Variants in CHPF observed in about 807,000 individuals in gnomAD.
CHPF encodes the protein chondroitin polymerizing factor.
In CHPF, 34 loss-of-function variants were observed where a neutral mutation model predicts 55.1. The observed-to-expected ratio is 0.62, with a 90% CI of 0.47 to 0.82. CHPF has a LOEUF of 0.82. Ranked by LOEUF, CHPF falls within the 40% of genes least tolerant of loss-of-function variation. CHPF has a pLI of 0.00. For synonymous variants in CHPF, 489 were observed against 496.6 expected (o/e 0.98, Z 0.20); for missense variants, 961 against 1,106.1 (o/e 0.87, Z 1.86).
Position 219,541,651 on chromosome 2 carries a change from C to G in CHPF, c.853G>C (p.Asp285His), listed in dbSNP as rs150176217. 2 of 1,595,454 alleles carry G rather than the reference C, an allele frequency of 1.3e-6. No homozygotes were observed. The highest frequency in any genetic ancestry group is 1.7e-6 in the Non-Finnish European group (2 of 1,168,140). ...PDEWLGRCIL[D>H]ATGVGCTGDH... ...CCAGTGCAGCCCACCCCGGTGGCAT[C>G]GAGAATGCAGCGACCCAGCCACTCG... The change falls in exon 2 of 4, where the codon GAT (aspartate) becomes CAT (histidine). Residue 285 changes from aspartate (D) to histidine (H), a missense_variant. Coordinates refer to ENST00000243776, the MANE Select transcript of CHPF (RefSeq NM_024536.6).
Position 219,540,509 on chromosome 2 carries a change from T to C in CHPF, c.1202A>G (p.His401Arg), listed in dbSNP as rs746007649. The change falls in exon 4 of 4, where the codon CAC becomes CGC. Residue 401 changes from histidine (H) to arginine (R), a missense_variant. Coordinates refer to ENST00000243776, the MANE Select transcript of CHPF (RefSeq NM_024536.6). ...VLRWDYFTEQ[H>R]AFSCADGSPR... ...TGAGCCATCGGCGCAGGAGAAAGCG[T>C]GCTGCTCCGTGAAGTAGTCCCAGCG... The C allele has an allele frequency of 6.2e-7, 1 of 1,613,998 alleles. No homozygotes were observed. Among genetic ancestry groups the C allele is most frequent in the Non-Finnish European group, 8.5e-7 (1 of 1,180,006 alleles).
Position 219,543,475 on chromosome 2 carries a change from G to A in CHPF, c.64C>T (p.Leu22=). The A allele has an allele frequency of 7.0e-7, 1 of 1,430,572 alleles. No individual in the cohort carries two copies. Among genetic ancestry groups the A allele is most frequent in the Non-Finnish European group, 9.1e-7 (1 of 1,097,940 alleles). 88.6% of individuals were successfully genotyped at this position (1,430,572 alleles called of 1,614,324 possible). ...CTGAGCAGGCTCAGGGTGAAGCCCA[G>A]GGAGATGCCCACGGCCACGGGCCCT... The part of the protein sequence containing the change: ...PAGPVAVGIS[L]GFTLSLLSVT... Residue 22 remains leucine (L), a synonymous_variant, in exon 1 of 4, where the codon CTG becomes TTG. Coordinates refer to ENST00000243776, the MANE Select transcript of CHPF (RefSeq NM_024536.6).
chr2:219,540,738 G>A, intron 3 of CHPF, 96 bp from the exon 4 acceptor site: 2 of 1,349,538 alleles, frequency 1.5e-6, no homozygotes, highest in Non-Finnish European at 1.0e-6. Context: ...CTCAGGATGG[G>A]CCCCTCATCC....
chr2:219,539,643 G>T lies in CHPF; in HGVS notation c.2068C>A (p.Arg690Ser). 3 of 1,613,454 alleles carry T rather than the reference G, an allele frequency of 1.9e-6. No homozygotes were observed. Among genetic ancestry groups the T allele is most frequent in the Non-Finnish European group, 2.5e-6 (3 of 1,179,966 alleles). ...YNSDYVAARG[R>S]LAAASEQEEE... ...TCTTGTTCTGAGGCTGCCGCCAGGC[G>T]CCCACGGGCTGCCACATAGTCGGAG... The change falls in exon 4 of 4, where the codon CGC becomes AGC. Residue 690 changes from arginine to serine, a missense_variant. This residue lies in a region of CHPF where 936 missense variants were observed against 1,058.4 expected (regional missense o/e 0.88). Transcript: ENST00000243776.
At position 219,541,907 on chromosome 2, in the gene CHPF, A is replaced by G. The variant is rs774083080; in HGVS notation, c.597T>C (p.Pro199=). Residue 199 remains proline, a synonymous_variant, in exon 2 of 4, where the codon CCT becomes CCC. Transcript: ENST00000243776. ...GDDFDWFFLV[P]DTTYTEAHGL... is the part of the protein sequence containing the mutation. Reference sequence around the variant, plus strand: ...CGTGCGCCTCGGTGTAGGTGGTGTCAGGCACCAGGAAGAACCAGTCAAAGT... The same window carrying G: ...CGTGCGCCTCGGTGTAGGTGGTGTCGGGCACCAGGAAGAACCAGTCAAAGT... 5 of 1,613,544 alleles carry G rather than the reference A, an allele frequency of 3.1e-6. No homozygotes were observed. The highest frequency in any genetic ancestry group is 4.2e-6 in the Non-Finnish European group (5 of 1,179,840).
In CHPF at chr2:219,543,106, C is replaced by T. The variant is rs1291993305; in HGVS notation, c.314+119G>A. On this transcript the variant is annotated intron_variant, in intron 1 of 3. Coordinates refer to ENST00000243776, the MANE Select transcript of CHPF (RefSeq NM_024536.6). The stretch of plus-strand genomic sequence containing the variant: ...CAGGGCCATCGGAAGTTATCGGGGC[C>T]CAAAGACTTCCTGGCTCGCCAGCCC... 10 of 1,364,800 alleles carry T rather than the reference C, an allele frequency of 7.3e-6. No individual in the cohort carries two copies. In the South Asian group the frequency reaches 1.4e-4, roughly 19 times the overall value. 84.5% of individuals were successfully genotyped at this position (1,364,800 alleles called of 1,614,324 possible).
chr2:219,542,197 A>G lies in CHPF; in HGVS notation c.315-8T>C. ...GTGCTGATGTAGCGGGTCCTAGGGG[A>G]GGAGATGGCACAAGCTTATCAAAAG... On this transcript the variant is annotated splice_polypyrimidine_tract_variant and splice_region_variant and intron_variant, in intron 1 of 3. Transcript: ENST00000243776. 5 of 943,148 alleles carry G rather than the reference A, an allele frequency of 5.3e-6. No individual in the cohort carries two copies. The highest frequency in any genetic ancestry group is 3.9e-6 in the Non-Finnish European group (3 of 764,068). 58.4% of individuals were successfully genotyped at this position (943,148 alleles called of 1,614,324 possible).
chr2:219,539,970 G>A lies in CHPF; in HGVS notation c.1741C>T (p.Arg581Trp), dbSNP rs749110569. 9.9e-6 allele frequency: 16 copies of A among 1,613,622 alleles called. No homozygotes were observed. Among genetic ancestry groups the A allele is most frequent in the South Asian group, 5.5e-5 (5 of 91,088 alleles). Residue 581 changes from arginine (R) to tryptophan (W), a missense_variant, in exon 4 of 4, where the codon CGG (arginine) becomes TGG (tryptophan). Around this residue, in one of 3 missense-constraint regions of CHPF, gnomAD observed 936 missense variants for 1,058.4 expected, o/e 0.88. Transcript: ENST00000243776. ...GTCTGCACACTGAGCCATGGCACCC[G>A]GGCACCGGGGAAACGCCGCTCCAGC... ...AELERRFPGA[R>W]VPWLSVQTAA...
In CHPF at chr2:219,539,378, TG is replaced by T. The variant is rs780632685; in HGVS notation, c.*4del. 1.9e-6 allele frequency: 3 copies of T among 1,588,238 alleles called. No individual in the cohort carries two copies. The highest frequency in any genetic ancestry group is 2.6e-6 in the Non-Finnish European group (3 of 1,163,044). On this transcript the variant is annotated 3_prime_UTR_variant, in exon 4 of 4. Transcript: ENST00000243776. ...CATGCCACGGCCCACGGGGACAGGGTGGGGTCAGGTGCTGTTGCCCTGCTCC... is the reference window on the plus strand; with the variant it reads ...CATGCCACGGCCCACGGGGACAGGGTGGGTCAGGTGCTGTTGCCCTGCTCC...
In CHPF at chr2:219,543,340, G is replaced by A; in HGVS notation, c.199C>T (p.Pro67Ser). ...CCGGGCTTCTCGCGCTCCGCTCCGG[G>A]CTGCACCGAGTTGGGCCGGCGCGCC... Reference protein sequence around the residue: ...NAARRPNSVQPGAEREKPGAG... With the variant: ...NAARRPNSVQSGAEREKPGAG... The change falls in exon 1 of 4, where the codon CCC (proline) becomes TCC (serine). Residue 67 changes from proline (P) to serine (S), a missense_variant. This residue lies in a region of CHPF where 936 missense variants were observed against 1,058.4 expected (regional missense o/e 0.88). Coordinates refer to ENST00000243776, the MANE Select transcript of CHPF (RefSeq NM_024536.6). 1 of 1,568,918 alleles carries A rather than the reference G, an allele frequency of 6.4e-7. No individual in the cohort carries two copies. Among genetic ancestry groups the A allele is most frequent in the Non-Finnish European group, 8.6e-7 (1 of 1,167,474 alleles).
Position 219,539,472 on chromosome 2 carries a change from G to T in CHPF, c.2239C>A (p.Arg747Ser). 12 of 1,613,604 alleles carry T rather than the reference G, an allele frequency of 7.4e-6. No individual in the cohort carries two copies. Among genetic ancestry groups the T allele is most frequent in the Non-Finnish European group, 1.0e-5 (12 of 1,179,812 alleles). ...CCCTCAAGCACGCTCTGGAGGCAGC[G>T]GTGGTACAGGTCCTCACTGAGCCTC... is the stretch of plus-strand genomic sequence containing the variant. ...SARLSEDLYH[R>S]CLQSVLEGLG... The change falls in exon 4 of 4, where the codon CGC (arginine) becomes AGC (serine). Residue 747 changes from arginine to serine, a missense_variant. Arg to Ser is a moderately radical substitution (Grantham distance 110, BLOSUM62 -1). Coordinates refer to ENST00000243776, the MANE Select transcript of CHPF (RefSeq NM_024536.6).
intron 2 of CHPF, 107 bp downstream of exon 2, chr2:219,541,509 G>A: frequency 1.1e-6 from 1 of 880,160 alleles, no homozygotes; most frequent in Non-Finnish European, 1.7e-6. Flanking sequence ...GAAAATAAAT[G>A]TCCGAATTGG....
intron 1 of CHPF, 94 bp from the exon 2 acceptor site, chr2:219,542,283 C>T (rs897601690): frequency 5.4e-6 from 5 of 925,334 alleles, no homozygotes; most frequent in Non-Finnish European, 6.3e-6. Flanking sequence ...GTCACGTCTT[C>T]TCTGTATCTG....
chr2:219,541,351 ATAAC>A (rs781341948), intron 2 of CHPF: 7 of 558,736 alleles, frequency 1.3e-5, no homozygotes, highest in Non-Finnish European at 2.1e-5. Flanking sequence ...GGCTAAAATA[ATAAC>A]TAACATCAAA....
In CHPF at chr2:219,540,561, G is replaced by A. The variant is rs1354759404; in HGVS notation, c.1150C>T (p.Arg384Cys). The change falls in exon 4 of 4, where the codon CGC becomes TGC. Residue 384 changes from arginine (R) to cysteine (C), a missense_variant. Coordinates refer to ENST00000243776, the MANE Select transcript of CHPF (RefSeq NM_024536.6). ...AGCACCTCAAAGCGGGAGGCCGGGC[G>A]GGATGGTGCTGGAATACCCACGGGC... ...AWPVGIPAPS[R>C]PASRFEVLRW... is the part of the protein sequence containing the mutation. 4.3e-6 allele frequency: 7 copies of A among 1,613,622 alleles called. No individual in the cohort carries two copies. The highest frequency in any genetic ancestry group is 4.0e-5 in the African/African-American group (3 of 74,932).
chr2:219,541,413 AC>A, intron 2 of CHPF: 1 of 564,162 alleles, frequency 1.8e-6, no homozygotes, highest in Non-Finnish European at 3.0e-6. Flanking sequence ...CCTTGTAACA[AC>A]CCCGAGCAAT....
chr2:219,539,939 G>A lies in CHPF; in HGVS notation c.1772C>T (p.Ala591Val), dbSNP rs759807303. 1 of 1,613,768 alleles carries A rather than the reference G, an allele frequency of 6.2e-7. No individual in the cohort carries two copies. Among genetic ancestry groups the A allele is most frequent in the East Asian group, 2.2e-5 (1 of 44,874 alleles). The change falls in exon 4 of 4, where the codon GCA becomes GTA. Residue 591 changes from alanine to valine, a missense_variant. By Grantham distance (64) the Ala-to-Val change is moderately conservative. This residue lies in a region of CHPF where 936 missense variants were observed against 1,058.4 expected (regional missense o/e 0.88). Transcript: ENST00000243776. ...ATCCATGAGGCGCAGTGGTGAGGGT[G>A]CGGCTGTCTGCACACTGAGCCATGG... ...RVPWLSVQTA[A>V]PSPLRLMDLL...
Position 219,539,011 on chromosome 2 carries a change from A to C in CHPF, c.*372T>G, listed in dbSNP as rs1204239037. ...GCTTCGGCAGGGTCCAAAAGGGAGA[A>C]GTTGGGAGATGCCCCCTCCTCAGCT... On this transcript the variant is annotated 3_prime_UTR_variant, in exon 4 of 4. Transcript: ENST00000243776. 9.6e-6 allele frequency: 2 copies of C among 209,006 alleles called. No homozygotes were observed. Among genetic ancestry groups the C allele is most frequent in the African/African-American group, 2.3e-5 (1 of 43,390 alleles). The allele number at this position is 209,006 out of a possible 1,614,324, so 12.9% of individuals were successfully genotyped here. A position where few individuals can be genotyped will look rare whatever the true frequency, so the allele number is the denominator to read the frequency against.
At position 219,539,346 on chromosome 2, in the gene CHPF, G is replaced by GTGTGGCCATGCC; in HGVS notation, c.*25_*36dup. The GTGTGGCCATGCC allele has an allele frequency of 6.5e-7, 1 of 1,546,932 alleles. No homozygotes were observed. Among genetic ancestry groups the GTGTGGCCATGCC allele is most frequent in the Non-Finnish European group, 8.8e-7 (1 of 1,141,324 alleles). On this transcript the variant is annotated 3_prime_UTR_variant, in exon 4 of 4. Transcript: ENST00000243776. ...GGTTTTGGGGGAGAAGTGGGGTGGG[G>GTGTGGCCATGCC]TGTGGCCATGCCACGGCCCACGGGG...
Sources: gnomAD v4.1 joint callset for allele counts on GRCh38, gnomAD v4.1.1 for gene constraint, gnomAD v4.1.1 regional missense constraint, MANE v1.5 for transcripts, NCBI Gene and HGNC (gene_info 2026-07-23, HGNC 2026-07-21) for gene names.